The following OR10K2 variants were observed in gnomAD, a reference collection of about 807,000 sequenced individuals.
The protein encoded by OR10K2 is olfactory receptor family 10 subfamily K member 2.
For missense variants in OR10K2, 401 were observed against 367.1 expected (o/e 1.09, Z -0.76); for synonymous variants, 169 against 146.4 (o/e 1.15, Z -1.11).
Position 158,420,887 on chromosome 1 carries a change from A to G in OR10K2, c.-21T>C. On this transcript the variant is annotated 5_prime_UTR_variant, in exon 2 of 2. Transcript: ENST00000641042. The stretch of plus-strand genomic sequence containing the variant: ...TCCATGGAGCATACATCATCAGGAG[A>G]CAATTAGGGAGAGAAGAGGAGTCAG... 6.3e-7 allele frequency: 1 copy of G among 1,599,168 alleles called. No individual in the cohort carries two copies. Among genetic ancestry groups the G allele is most frequent in the Non-Finnish European group, 8.5e-7 (1 of 1,171,396 alleles).
chr1:158,423,362 G>T (rs1655194533), intron 1 of OR10K2, among the ~76,000 whole-genome samples: 1 of 151,288 alleles, frequency 6.6e-6, no homozygotes, highest in Admixed American at 6.6e-5. Context: ...CCTCTCACAA[G>T]CACATGTAAA....
rs1298575674 is a variant in OR10K2 at position 158,420,766 on chromosome 1, A to G, written c.101T>C (p.Leu34Pro). ...QQLLFVIFLL[L>P]YLFTLGTNAI... ...ATTGGTGCCCAGAGTGAACAGGTAG[A>G]GGAGCAGGAAGATAACAAAGAGCAG... Residue 34 changes from leucine to proline, a missense_variant, in exon 2 of 2, where the codon CTC becomes CCC. Leu to Pro is a moderately conservative substitution (Grantham distance 98, BLOSUM62 -3). Transcript: ENST00000641042. The G allele has an allele frequency of 1.2e-6, 2 of 1,613,608 alleles. No individual in the cohort carries two copies. The highest frequency in any genetic ancestry group is 8.5e-7 in the Non-Finnish European group (1 of 1,179,846).
intron 1 of OR10K2, among the ~76,000 whole-genome samples, chr1:158,423,216 C>A (rs1655191594): frequency 7.2e-6 from 1 of 138,586 alleles, no homozygotes; most frequent in Non-Finnish European, 1.5e-5. Context: ...TCCTCTGGTT[C>A]TTCGCCCAAT....
chr1:158,424,030 A>G (rs917155029), intron 1 of OR10K2, among the ~76,000 whole-genome samples: 2 of 152,112 alleles, frequency 1.3e-5, no homozygotes, highest in African/African-American at 2.4e-5. Context: ...ACATTATAAA[A>G]TAAGTATAAA....
rs1277961107 is a variant in OR10K2, at chr1:158,419,532, C to T, written c.*396G>A. 6.3e-6 allele frequency: 1 copy of T among 159,794 alleles called. No homozygotes were observed. Among genetic ancestry groups the T allele is most frequent in the Non-Finnish European group, 1.4e-5 (1 of 72,706 alleles). The allele number at this position is 159,794 out of a possible 1,614,324, so 9.9% of individuals were successfully genotyped here. A position where few individuals can be genotyped will look rare whatever the true frequency, so the allele number is the denominator to read the frequency against. On this transcript the variant is annotated 3_prime_UTR_variant, in exon 2 of 2. Coordinates refer to ENST00000641042, the MANE Select transcript of OR10K2 (RefSeq NM_001004476.2). ...GATCTATGTTCCTGAACATAATGCT[C>T]AATTGCTTGATCATTTGTGTTCTGG...
Position 158,419,940 on chromosome 1 carries a change from A to T in OR10K2, c.927T>A (p.Ile309=). 1 of 1,609,126 alleles carries T rather than the reference A, an allele frequency of 6.2e-7. No individual in the cohort carries two copies. The highest frequency in any genetic ancestry group is 8.5e-7 in the Non-Finnish European group (1 of 1,177,164). Residue 309 remains isoleucine (I), a synonymous_variant, in exon 2 of 2, where the codon ATT becomes ATA. Transcript: ENST00000641042. ...SALCKIVRRT[I]SLL Reference sequence around the variant, plus strand: ...ATCAAGATTAATTTTACAACAGGGAAATTGTTCTTCTCACAATTTTACAAA... The same window carrying T: ...ATCAAGATTAATTTTACAACAGGGATATTGTTCTTCTCACAATTTTACAAA...
rs944358625 is a variant in OR10K2, at chr1:158,419,891, C to T, written c.*37G>A. ...CCTTCCAAAATGCTGGGATTACAGTCGTGAGAAACTGCACCTGGCCAGAAT... is the reference window on the plus strand; with the variant it reads ...CCTTCCAAAATGCTGGGATTACAGTTGTGAGAAACTGCACCTGGCCAGAAT... On this transcript the variant is annotated 3_prime_UTR_variant, in exon 2 of 2. Transcript: ENST00000641042. 11 of 1,561,670 alleles carry T rather than the reference C, an allele frequency of 7.0e-6. No individual in the cohort carries two copies. The highest frequency in any genetic ancestry group is 1.2e-5 in the South Asian group (1 of 82,812).
At chr1:158,425,694 A>G (rs1034764877) in intron 1 of OR10K2, among the ~76,000 whole-genome samples, 2 of 152,056 alleles carry the variant, frequency 1.3e-5, no homozygotes, top group Admixed American at 6.6e-5. Context: ...TTTAATTAAA[A>G]TATTGTTGAG....
intron 1 of OR10K2, among the ~76,000 whole-genome samples, chr1:158,423,233 T>C (rs370810093): frequency 0.043 from 6,547 of 151,304 alleles, 275 homozygotes; most frequent in African/African-American, 0.11. Context: ...CAATATTTTT[T>C]TTTTTTTTTG....
chr1:158,425,737 T>C (rs1655240858), intron 1 of OR10K2, among the ~76,000 whole-genome samples, 196 bp downstream of exon 1: 1 of 151,918 alleles, frequency 6.6e-6, no homozygotes, highest in Non-Finnish European at 1.5e-5. Flanking sequence ...ACCAACAGAG[T>C]GCATATAAAA....
At chr1:158,421,812 G>T (rs1226380189) in intron 1 of OR10K2, among the ~76,000 whole-genome samples, 16 of 152,068 alleles carry the variant, frequency 1.1e-4, no homozygotes, top group Admixed American at 1.0e-3. Context: ...GTTTCCAAAA[G>T]TCTTTCCTTT....
At position 158,422,320 on chromosome 1, in the gene OR10K2, TCA is replaced by T. The variant is rs1655171657; in HGVS notation, c.-61-1395_-61-1394del. ...ATGGGCAGCACAGACTTCTTAGAAC[TCA>T]CAGAGTAAGAGAATTCTCAGTGTTA... On this transcript the variant is annotated intron_variant, in intron 1 of 1. Transcript: ENST00000641042. 2.6e-5 allele frequency among the ~76,000 whole-genome samples: 4 copies of T among 152,098 alleles called. No homozygotes were observed. In the South Asian group the frequency reaches 8.3e-4, roughly 31 times the overall value.
Position 158,424,866 on chromosome 1 carries a change from T to C in OR10K2, c.-62+1067A>G, listed in dbSNP as rs916337668. Among the ~76,000 whole-genome samples, 19 of 152,022 alleles carry C rather than the reference T, an allele frequency of 1.2e-4. 1 individual carries two copies. Among genetic ancestry groups the C allele is most frequent in the Non-Finnish European group, 2.8e-4 (19 of 67,976 alleles). On this transcript the variant is annotated intron_variant, in intron 1 of 1. Transcript: ENST00000641042. ...GGCCTCAGTTTTCAACTTTGCTATG[T>C]ATTAGCTACAGGACTTTGATGAGTC... is the stretch of plus-strand genomic sequence containing the variant.
chr1:158,420,118 A>G lies in OR10K2; in HGVS notation c.749T>C (p.Val250Ala). 1 of 1,613,748 alleles carries G rather than the reference A, an allele frequency of 6.2e-7. No individual in the cohort carries two copies. The highest frequency in any genetic ancestry group is 8.5e-7 in the Non-Finnish European group (1 of 1,179,848). ...GATAAAGGAGGCACAGCCATAGTGG[A>G]CAGTGACAATAATGAGGTGAGATAC... ...TCVSHLIIVT[V>A]HYGCASFIYL... The change falls in exon 2 of 2, where the codon GTC (valine) becomes GCC (alanine). Residue 250 changes from valine (V) to alanine (A), a missense_variant. Coordinates refer to ENST00000641042, the MANE Select transcript of OR10K2 (RefSeq NM_001004476.2).
Position 158,420,168 on chromosome 1 carries a change from A to G in OR10K2, c.699T>C (p.Gly233=). 6.2e-7 allele frequency: 1 copy of G among 1,613,754 alleles called. No homozygotes were observed. The highest frequency in any genetic ancestry group is 8.5e-7 in the Non-Finnish European group (1 of 1,179,866). Residue 233 remains glycine (G), a synonymous_variant, in exon 2 of 2, where the codon GGT becomes GGC. Transcript: ENST00000641042. ...SAILQFPSTL[G]RCKAFSTCVS... ...CACAGGTAGAAAAAGCTTTGCACCT[A>G]CCCAGTGTGGAAGGAAACTGAAGTA...
intron 1 of OR10K2, among the ~76,000 whole-genome samples, chr1:158,424,150 G>C (rs1332625621): frequency 6.6e-6 from 1 of 152,034 alleles, no homozygotes; most frequent in Non-Finnish European, 1.5e-5. Flanking sequence ...AGTACTGGCT[G>C]AGTCTAAATG....
chr1:158,424,756 T>TGTGTGTGTGTGTGTGTGG (rs749238320), intron 1 of OR10K2, among the ~76,000 whole-genome samples: 1 of 151,376 alleles, frequency 6.6e-6, no homozygotes, highest in Non-Finnish European at 1.5e-5. Flanking sequence ...TGTGTGTGTG[T>TGTGTGTGTGTGTGTGTGG]GGTGAGAAAG....
At position 158,420,081 on chromosome 1, in the gene OR10K2, A is replaced by T. The variant is rs755315840; in HGVS notation, c.786T>A (p.Pro262=). 1.9e-6 allele frequency: 3 copies of T among 1,613,632 alleles called. No individual in the cohort carries two copies. The highest frequency in any genetic ancestry group is 2.5e-6 in the Non-Finnish European group (3 of 1,179,826). The change falls in exon 2 of 2, where the codon CCT becomes CCA. Residue 262 remains proline (P), a synonymous_variant. Coordinates refer to ENST00000641042, the MANE Select transcript of OR10K2 (RefSeq NM_001004476.2). ...YGCASFIYLR[P]QSNYSSSQDA... is the part of the protein sequence containing the mutation. ...CCTGGCTTGAGGAGTAGTTGGACTG[A>T]GGCCTTAAGTAGATAAAGGAGGCAC...
Position 158,420,825 on chromosome 1 carries a change from G to C in OR10K2, c.42C>G (p.Phe14Leu). The C allele has an allele frequency of 6.2e-7, 1 of 1,613,610 alleles. No individual in the cohort carries two copies. Among genetic ancestry groups the C allele is most frequent in the Non-Finnish European group, 8.5e-7 (1 of 1,179,822 alleles). Residue 14 changes from phenylalanine to leucine, a missense_variant, in exon 2 of 2, where the codon TTC becomes TTG. Physicochemically the swap from Phe to Leu is conservative, Grantham distance 22. Coordinates refer to ENST00000641042, the MANE Select transcript of OR10K2 (RefSeq NM_001004476.2). ...VNETVVREVIFLGFSSLARLQ... is the reference protein window; with the variant it reads ...VNETVVREVILLGFSSLARLQ... ...GCCTGGCCAGGGATGAGAAGCCGAG[G>C]AAGATGACCTCTCTCACCACAGTCT...
Sources: gnomAD v4.1 joint callset for allele counts (sites outside exome capture counted in the v4.1 genomes callset) on GRCh38, gnomAD v4.1.1 for gene constraint, MANE v1.5 for transcripts, NCBI Gene and HGNC (gene_info 2026-07-23, HGNC 2026-07-21) for gene names.